The following ZBTB20 variants were observed in gnomAD, a reference collection of about 807,000 sequenced individuals.
ZBTB20 encodes zinc finger and BTB domain-containing protein 20.
ZBTB20 carries 9 observed loss-of-function variants against 56.9 expected under a neutral mutation model. The ratio of observed to expected loss-of-function variants is 0.16; its 90% CI spans 0.10 to 0.28. ZBTB20 has a LOEUF of 0.28. Ranked by LOEUF, ZBTB20 falls within the 10% of genes least tolerant of loss-of-function variation. The pLI is 1.00. For missense variants in ZBTB20, 655 were observed against 1,003.0 expected, an observed-to-expected ratio of 0.65 and a Z score of 4.69; for synonymous variants, 417 against 420.7, an observed-to-expected ratio of 0.99 and a Z score of 0.11.
At position 114,351,023 on chromosome 3, in the gene ZBTB20, T is replaced by A. The variant is rs1354492860; in HGVS notation, c.1055A>T (p.Glu352Val). ...TGTGTCTTCCGTGCACTCCTCGGAT[T>A]CGTTGCGTTCCAGGATCTGCACCCT... ...QQRVQILERN[E>V]SEECTEDTDQ... Residue 352 changes from glutamate to valine, a missense_variant, in exon 11 of 12, where the codon GAA becomes GTA. This residue lies in a region of ZBTB20 where 156 missense variants were observed against 181.0 expected (regional missense o/e 0.86). Coordinates refer to ENST00000675478, the MANE Select transcript of ZBTB20 (RefSeq NM_001348800.3). The A allele has an allele frequency of 3.1e-6, 5 of 1,611,602 alleles. No individual in the cohort carries two copies. In the African/African-American group the frequency reaches 6.7e-5, roughly 22 times the overall value.
intron 6 of ZBTB20, among the ~76,000 whole-genome samples, chr3:114,544,446 TTTCTTTCTTTCTTTC>T (rs1249331619): frequency 2.8e-5 from 3 of 107,928 alleles, no homozygotes; most frequent in Admixed American, 1.0e-4. Flanking sequence ...TCTTTCTTTC[TTTCTTTCTTTCTTTC>T]TTTCTTTCTT....
At chr3:114,943,409 G>A (rs1422797994) in intron 3 of ZBTB20, among the ~76,000 whole-genome samples, 2 of 145,248 alleles carry the variant, frequency 1.4e-5, no homozygotes, top group Non-Finnish European at 3.0e-5. Flanking sequence ...AAAAATAATA[G>A]ACAAAAACAT....
At chr3:114,348,506 A>G (rs903846944) in intron 11 of ZBTB20, among the ~76,000 whole-genome samples, 1 of 152,238 alleles carries the variant, frequency 6.6e-6, no homozygotes, top group Admixed American at 6.5e-5. Context: ...CAAGTAAACA[A>G]AGCAACTCAC....
At chr3:114,511,775 G>A (rs2045420388) in intron 6 of ZBTB20, among the ~76,000 whole-genome samples, 1 of 152,010 alleles carries the variant, frequency 6.6e-6, no homozygotes, top group Non-Finnish European at 1.5e-5. Context: ...TGCTCCCTAA[G>A]CTTCTCTTAG....
At chr3:114,738,963 A>G (rs2066382405) in intron 5 of ZBTB20, among the ~76,000 whole-genome samples, 1 of 152,204 alleles carries the variant, frequency 6.6e-6, no homozygotes, top group African/African-American at 2.4e-5. Context: ...ATGACAAAAA[A>G]TTCACAGTTT....
At chr3:115,060,065 T>G (rs2081961552) in intron 2 of ZBTB20, among the ~76,000 whole-genome samples, 1 of 152,196 alleles carries the variant, frequency 6.6e-6, no homozygotes, top group Admixed American at 6.5e-5. Context: ...ACAAGGTCAC[T>G]TACTATCTTC....
chr3:114,753,412 CGTAT>C (rs1308383052), intron 5 of ZBTB20, among the ~76,000 whole-genome samples: 1 of 86,178 alleles, frequency 1.2e-5, no homozygotes, highest in African/African-American at 3.3e-5. Context: ...TATACACACA[CGTAT>C]ATATATATAT....
At chr3:114,794,347 C>G (rs2071193140) in intron 5 of ZBTB20, among the ~76,000 whole-genome samples, 1 of 151,988 alleles carries the variant, frequency 6.6e-6, no homozygotes, top group African/African-American at 2.4e-5. Context: ...TCTTTTTCTA[C>G]ACAAGACCTT....
chr3:114,951,195 A>G (rs1163174434), intron 3 of ZBTB20, among the ~76,000 whole-genome samples: 4 of 152,126 alleles, frequency 2.6e-5, no homozygotes, highest in African/African-American at 9.7e-5. Flanking sequence ...TTTCATTTAA[A>G]AATTATCTTT....
chr3:114,844,373 T>TATATATATA (rs1467342908), intron 4 of ZBTB20, among the ~76,000 whole-genome samples: 11 of 88,246 alleles, frequency 1.2e-4, no homozygotes, highest in Non-Finnish European at 1.8e-4. Context: ...ATATATATAT[T>TATATATATA]AGCTGAGAGT....
At chr3:114,563,159 T>A (rs2110299780) in intron 6 of ZBTB20, among the ~76,000 whole-genome samples, 1 of 152,292 alleles carries the variant, frequency 6.6e-6, no homozygotes. Flanking sequence ...ATATCCTATT[T>A]TCAATACAAA....
intron 7 of ZBTB20, among the ~76,000 whole-genome samples, chr3:114,438,094 A>G (rs929395591): frequency 2.6e-5 from 4 of 152,146 alleles, no homozygotes; most frequent in African/African-American, 9.7e-5. Flanking sequence ...TTGAGTAAGA[A>G]GAATAAAAGG....
Position 114,380,777 on chromosome 3 carries a change from C to T in ZBTB20, c.11G>A (p.Arg4Gln), listed in dbSNP as rs534728172. Residue 4 changes from arginine to glutamine, a missense_variant and splice_region_variant, in exon 9 of 12, where the codon CGG becomes CAG. By Grantham distance (43) the Arg-to-Gln change is conservative. This residue lies in a region of ZBTB20 where 79 missense variants were observed against 78.4 expected (regional missense o/e 1.01). Transcript: ENST00000675478. MLE[R>Q]KKPKTAENQK... Reference sequence around the variant, plus strand: ...GGAAAAATACTAGTGGAAGTTTTACCGTTCTAGCATTTGTCAGGAAGCTTA... The same window carrying T: ...GGAAAAATACTAGTGGAAGTTTTACTGTTCTAGCATTTGTCAGGAAGCTTA... The T allele has an allele frequency of 2.3e-5, 35 of 1,509,584 alleles. No individual in the cohort carries two copies. In the East Asian group the frequency reaches 7.5e-4, roughly 32 times the overall value. 93.5% of individuals were successfully genotyped at this position (1,509,584 alleles called of 1,614,324 possible). A position where few individuals can be genotyped will look rare whatever the true frequency, so the allele number is the denominator to read the frequency against.
At chr3:114,385,388 G>A (rs2084980081) in intron 8 of ZBTB20, among the ~76,000 whole-genome samples, 1 of 152,114 alleles carries the variant, frequency 6.6e-6, no homozygotes, top group South Asian at 2.1e-4. Flanking sequence ...CCGCATCTCT[G>A]AGCCTCATTT....
At chr3:115,016,925 C>A (rs1234668629) in intron 2 of ZBTB20, among the ~76,000 whole-genome samples, 1 of 151,646 alleles carries the variant, frequency 6.6e-6, no homozygotes, top group South Asian at 2.1e-4. Context: ...CAGCCAATAT[C>A]ATACAGAATG....
intron 7 of ZBTB20, among the ~76,000 whole-genome samples, chr3:114,401,080 C>CCACACA (rs1389084799): frequency 2.3e-5 from 1 of 43,738 alleles, no homozygotes; most frequent in Admixed American, 1.8e-4. Context: ...TGTCTACCTC[C>CCACACA]CAGACACACA....
intron 6 of ZBTB20, among the ~76,000 whole-genome samples, chr3:114,616,495 C>G (rs2057953098): frequency 6.6e-6 from 1 of 152,152 alleles, no homozygotes; most frequent in Non-Finnish European, 1.5e-5. Context: ...CATCTTGGTT[C>G]TCCCACTATC....
chr3:115,049,686 G>C (rs2081469310), intron 2 of ZBTB20, among the ~76,000 whole-genome samples: 1 of 152,024 alleles, frequency 6.6e-6, no homozygotes, highest in Non-Finnish European at 1.5e-5. Context: ...ATGTTCAACT[G>C]GTATAAGGCA....
chr3:115,043,279 C>T (rs1417191539), intron 2 of ZBTB20, among the ~76,000 whole-genome samples: 1 of 151,944 alleles, frequency 6.6e-6, no homozygotes, highest in Non-Finnish European at 1.5e-5. Context: ...TAGTTGAAGG[C>T]CAGGCATGGT....
Sources: allele counts gnomAD v4.1 joint callset (sites outside exome capture counted in the v4.1 genomes callset), GRCh38; gene constraint gnomAD v4.1.1; regional missense constraint gnomAD v4.1.1; transcripts MANE v1.5; gene names NCBI Gene and HGNC (gene_info 2026-07-23, HGNC 2026-07-21).